Variants in CRYL1 observed in about 807,000 individuals in gnomAD.
CRYL1 encodes crystallin lambda 1, also known as lambda-crystallin homolog.
A neutral mutation model predicts 36.6 loss-of-function variants in CRYL1; 29 were observed. That is an observed-to-expected ratio of 0.79 (90% CI 0.59 to 1.08). The LOEUF (loss-of-function observed/expected upper bound fraction) is 1.08, where lower values mean the gene tolerates loss of function less well. Ranked by LOEUF, CRYL1 falls within the 50% of genes least tolerant of loss-of-function variation. CRYL1 has a pLI of 0.00. For missense variants in CRYL1, 411 were observed against 407.9 expected (o/e 1.01, Z -0.06); for synonymous variants, 152 against 151.5 (o/e 1.00, Z -0.02).
intron 3 of CRYL1, among the ~76,000 whole-genome samples, chr13:20,453,698 A>T (rs959946388): frequency 7.2e-5 from 11 of 152,162 alleles, no homozygotes; most frequent in African/African-American, 2.7e-4. Flanking sequence ...AACAGAAACA[A>T]ATCAATGAAA....
At chr13:20,420,045 T>G (rs1454870246) in intron 5 of CRYL1, among the ~76,000 whole-genome samples, 1 of 152,250 alleles carries the variant, frequency 6.6e-6, no homozygotes, top group Non-Finnish European at 1.5e-5. Context: ...GTGAGCTGCT[T>G]GGCCTGTTGC....
At chr13:20,449,092 C>T (rs1026899431) in intron 3 of CRYL1, among the ~76,000 whole-genome samples, 1 of 152,188 alleles carries the variant, frequency 6.6e-6, no homozygotes, top group African/African-American at 2.4e-5. Flanking sequence ...CACTTGAACC[C>T]AGGAGGTGGA....
Position 20,413,275 on chromosome 13 carries a change from T to A in CRYL1, c.739+7A>T. The stretch of plus-strand genomic sequence containing the variant: ...ATGGAATTCCCATCCTGGCCCCAGA[T>A]GCATACCTTCTGCATTGAGATGCAT... On this transcript the variant is annotated splice_region_variant and intron_variant, in intron 6 of 7. Transcript: ENST00000298248. 3 of 1,579,780 alleles carry A rather than the reference T, an allele frequency of 1.9e-6. No individual in the cohort carries two copies. The highest frequency in any genetic ancestry group is 2.6e-6 in the Non-Finnish European group (3 of 1,150,846).
At chr13:20,507,604 G>A (rs183008247) in intron 2 of CRYL1, among the ~76,000 whole-genome samples, 17 of 152,280 alleles carry the variant, frequency 1.1e-4, no homozygotes, top group Admixed American at 1.3e-4. Context: ...TGCATATACT[G>A]TCACCAGAAA....
At chr13:20,475,587 G>C (rs1340507474) in intron 3 of CRYL1, among the ~76,000 whole-genome samples, 1 of 152,126 alleles carries the variant, frequency 6.6e-6, no homozygotes, top group Admixed American at 6.5e-5. Flanking sequence ...TTTGTGTTAA[G>C]AGTGTGGCAC....
intron 3 of CRYL1, among the ~76,000 whole-genome samples, chr13:20,477,598 GTA>G (rs2033190535): frequency 6.7e-6 from 1 of 148,232 alleles, no homozygotes; most frequent in Non-Finnish European, 1.5e-5. Context: ...CACACAGTAG[GTA>G]TATATACAGG....
chr13:20,442,281 G>C (rs2032367383), intron 3 of CRYL1, among the ~76,000 whole-genome samples: 1 of 152,214 alleles, frequency 6.6e-6, no homozygotes, highest in Non-Finnish European at 1.5e-5. Context: ...TTATGTAAGA[G>C]TTTTTAATGG....
chr13:20,522,725 A>T (rs1283354087), intron 1 of CRYL1, among the ~76,000 whole-genome samples: 2 of 152,132 alleles, frequency 1.3e-5, no homozygotes, highest in Non-Finnish European at 1.5e-5. Flanking sequence ...CTGCACCAGG[A>T]ACATTTTGTG....
intron 3 of CRYL1, among the ~76,000 whole-genome samples, chr13:20,454,275 C>T (rs1342313272): frequency 6.6e-6 from 1 of 152,002 alleles, no homozygotes; most frequent in South Asian, 2.1e-4. Flanking sequence ...GAGTTTATCC[C>T]AGGAATGCAA....
In CRYL1 at chr13:20,432,243, CG is replaced by C. The variant is rs767374070; in HGVS notation, c.491del (p.Thr164ArgfsTer12). On this transcript the variant is annotated frameshift_variant, in exon 5 of 8. Coordinates refer to ENST00000298248, the MANE Select transcript of CRYL1 (RefSeq NM_015974.3). LOFTEE classifies it high-confidence loss of function. ...GGGTTCTGTCCACTGTCGTAGGGGC[CG>C]TCTCCGGGTGGGGGACCAGCTCAAC... ...PLVELVPHPE[T>X]APTTVDRTHA... The C allele has an allele frequency of 6.2e-6, 10 of 1,613,304 alleles. No individual in the cohort carries two copies. The highest frequency in any genetic ancestry group is 6.8e-6 in the Non-Finnish European group (8 of 1,179,870).
intron 3 of CRYL1, among the ~76,000 whole-genome samples, chr13:20,452,875 A>G (rs2032599807): frequency 6.6e-6 from 1 of 152,220 alleles, no homozygotes; most frequent in Admixed American, 6.5e-5. Context: ...GCTCTAAAAA[A>G]GTGTTATATT....
At chr13:20,496,159 C>A (rs1235968078) in intron 2 of CRYL1, among the ~76,000 whole-genome samples, 1 of 152,146 alleles carries the variant, frequency 6.6e-6, no homozygotes, top group Non-Finnish European at 1.5e-5. Context: ...CACAAAAGGA[C>A]AGATGCCATA....
At chr13:20,432,331 G>A in intron 4 of CRYL1, 35 bp from the exon 5 acceptor site, 1 of 1,551,246 alleles carries the variant, frequency 6.4e-7, no homozygotes, top group South Asian at 1.2e-5. Flanking sequence ...GAGTCAAGGA[G>A]ATGATCCTGG....
chr13:20,457,986 G>A (rs2032725763), intron 3 of CRYL1, among the ~76,000 whole-genome samples: 1 of 152,196 alleles, frequency 6.6e-6, no homozygotes, highest in African/African-American at 2.4e-5. Flanking sequence ...TAGGGAAAGT[G>A]ATTCAACCAG....
chr13:20,430,977 T>C (rs1307213705), intron 5 of CRYL1: 1 of 985,286 alleles, frequency 1.0e-6, no homozygotes, highest in Admixed American at 6.2e-5. Context: ...GAGCACTGTT[T>C]CTTGAAAATA....
At chr13:20,518,147 G>A (rs554279305) in intron 1 of CRYL1, among the ~76,000 whole-genome samples, 4 of 151,902 alleles carry the variant, frequency 2.6e-5, no homozygotes, top group African/African-American at 7.2e-5. Flanking sequence ...AGAAGGCAAC[G>A]ATGACTCACT....
At chr13:20,496,752 G>A (rs1178557778) in intron 2 of CRYL1, among the ~76,000 whole-genome samples, 1 of 150,544 alleles carries the variant, frequency 6.6e-6, no homozygotes, top group African/African-American at 2.4e-5. Context: ...GGCTGAGGTA[G>A]GAGGATCACT....
At chr13:20,464,013 C>T (rs957427989) in intron 3 of CRYL1, among the ~76,000 whole-genome samples, 3 of 151,954 alleles carry the variant, frequency 2.0e-5, no homozygotes, top group African/African-American at 7.2e-5. Context: ...GTCAATTGTG[C>T]CCATTCCTGT....
At chr13:20,423,770 C>CTTT (rs1158080893) in intron 5 of CRYL1, among the ~76,000 whole-genome samples, 19 of 100,152 alleles carry the variant, frequency 1.9e-4, no homozygotes, top group Admixed American at 4.3e-4. Flanking sequence ...GGTGTGGGTT[C>CTTT]TTTTTTTTTT....
Sources: allele counts gnomAD v4.1 joint callset (sites outside exome capture counted in the v4.1 genomes callset), GRCh38; gene constraint gnomAD v4.1.1; transcripts MANE v1.5; gene names NCBI Gene and HGNC (gene_info 2026-07-23, HGNC 2026-07-21).